CNTN3: variants seen among roughly 807,000 people sequenced by gnomAD.
The protein encoded by CNTN3 is contactin-3.
Under a neutral mutation model 119.1 loss-of-function variants are expected in CNTN3, and 60 were observed. The observed-to-expected ratio is 0.50, with a 90% CI of 0.41 to 0.62. The LOEUF is 0.62. Among genes scored for constraint, CNTN3 ranks in the 20% least tolerant of loss-of-function variants. The pLI, the probability that CNTN3 is intolerant of heterozygous loss-of-function variation, is 0.00. For synonymous variants in CNTN3, 450 were observed against 438.7 expected, an observed-to-expected ratio of 1.03 and a Z score of -0.32; for missense variants, 1,101 against 1,242.4, an observed-to-expected ratio of 0.89 and a Z score of 1.71.
chr3:74,511,124 C>G (rs1703356094), intron 2 of CNTN3, among the ~76,000 whole-genome samples: 1 of 152,018 alleles, frequency 6.6e-6, no homozygotes, highest in South Asian at 2.1e-4. Flanking sequence ...AAAACACTTC[C>G]TTTAAATTGA....
chr3:74,514,140 C>G, intron 2 of CNTN3, among the ~76,000 whole-genome samples: 1 of 152,058 alleles, frequency 6.6e-6, no homozygotes, highest in South Asian at 2.1e-4. Flanking sequence ...CAGCCTTAAC[C>G]GTCTAACATG....
intron 11 of CNTN3, among the ~76,000 whole-genome samples, chr3:74,359,246 T>C (rs1704022674): frequency 6.6e-6 from 1 of 152,170 alleles, no homozygotes; most frequent in East Asian, 1.9e-4. Context: ...AAAAAAATTC[T>C]TTTTCAGCCA....
chr3:74,418,578 C>T (rs1701565369), intron 5 of CNTN3, among the ~76,000 whole-genome samples: 1 of 151,706 alleles, frequency 6.6e-6, no homozygotes, highest in African/African-American at 2.4e-5. Context: ...CAACCTCAGG[C>T]AACCCGCCCA....
chr3:74,275,868 C>T (rs1701869112), intron 20 of CNTN3, among the ~76,000 whole-genome samples: 1 of 152,004 alleles, frequency 6.6e-6, no homozygotes. Flanking sequence ...AAGAATTCAC[C>T]AAACAAATAT....
At chr3:74,402,870 T>A (rs1343836856) in intron 5 of CNTN3, among the ~76,000 whole-genome samples, 2 of 152,120 alleles carry the variant, frequency 1.3e-5, no homozygotes, top group African/African-American at 4.8e-5. Flanking sequence ...ATGCAAAGAT[T>A]CGAGAGTGTA....
chr3:74,492,925 G>A (rs1702993834), intron 3 of CNTN3, among the ~76,000 whole-genome samples: 1 of 152,010 alleles, frequency 6.6e-6, no homozygotes, highest in Non-Finnish European at 1.5e-5. Flanking sequence ...CTACCATCAG[G>A]CATCATATTT....
chr3:74,329,921 A>G (rs905278432), intron 13 of CNTN3, among the ~76,000 whole-genome samples: 2 of 152,344 alleles, frequency 1.3e-5, no homozygotes, highest in Admixed American at 1.3e-4. Flanking sequence ...ATATCTAGAT[A>G]CAGGCAAAAA....
intron 4 of CNTN3, among the ~76,000 whole-genome samples, chr3:74,454,569 T>G (rs983960999): frequency 4.6e-5 from 7 of 152,078 alleles, no homozygotes; most frequent in African/African-American, 1.4e-4. Flanking sequence ...GTTAGCTGGT[T>G]ATTTTGCTCG....
chr3:74,497,186 C>T (rs761814417), intron 3 of CNTN3, among the ~76,000 whole-genome samples: 3 of 151,460 alleles, frequency 2.0e-5, no homozygotes, highest in Non-Finnish European at 2.9e-5. Flanking sequence ...TTTATGTCCT[C>T]GATGTCATTA....
intron 11 of CNTN3, among the ~76,000 whole-genome samples, chr3:74,360,247 T>A (rs1326214238): frequency 1.3e-5 from 2 of 152,224 alleles, no homozygotes; most frequent in Admixed American, 1.3e-4. Flanking sequence ...TTTCTTGGCC[T>A]AAGGTTTTAT....
In CNTN3 at chr3:74,614,438, G is replaced by GCCGCCGCCGCCGCCGCCGCCA. The variant is rs1705136625; in HGVS notation, c.-129_-128insTGGCGGCGGCGGCGGCGGCGG. On this transcript the variant is annotated 5_prime_UTR_variant, in exon 1 of 23. Transcript: ENST00000263665. ...CGCCCGCCCCGACGGCCCACTCGCC[G>GCCGCCGCCGCCGCCGCCGCCA]CCGCCGCCGCCGCCGCCGCCGCCGC... 2.6e-5 allele frequency among the ~76,000 whole-genome samples: 1 copy of GCCGCCGCCGCCGCCGCCGCCA among 38,562 alleles called. No individual in the cohort carries two copies. The highest frequency in any genetic ancestry group is 1.8e-4 in the Admixed American group (1 of 5,444). The allele number at this position is 38,562 out of a possible 152,430, so 25.3% of individuals were successfully genotyped here.
At chr3:74,442,818 G>A (rs77650534) in intron 4 of CNTN3, among the ~76,000 whole-genome samples, 3,501 of 152,252 alleles carry the variant, frequency 0.023, 121 homozygotes, top group African/African-American at 0.075. Flanking sequence ...CCTGGTAGGA[G>A]GTACTTTTAT....
rs369825899 is a variant in CNTN3 at position 74,430,942 on chromosome 3, T to A, written c.359-6002A>T. Among the ~76,000 whole-genome samples, 5 of 152,264 alleles carry A rather than the reference T, an allele frequency of 3.3e-5. No homozygotes were observed. In the East Asian group the frequency reaches 7.8e-4, roughly 24 times the overall value. On this transcript the variant is annotated intron_variant, in intron 4 of 22. Coordinates refer to ENST00000263665, the MANE Select transcript of CNTN3 (RefSeq NM_020872.3). Reference sequence around the variant, plus strand: ...ACCCCGCTTCTGGCCATCAGCTGTGTGTGCTACTCTACCAGAGCCCATAGC... The same window carrying A: ...ACCCCGCTTCTGGCCATCAGCTGTGAGTGCTACTCTACCAGAGCCCATAGC...
chr3:74,268,469 A>AT (rs2106744965), intron 20 of CNTN3, among the ~76,000 whole-genome samples: 1 of 152,318 alleles, frequency 6.6e-6, no homozygotes, highest in Non-Finnish European at 1.5e-5. Context: ...CATAGGGGAA[A>AT]TACAGCTGAA....
intron 4 of CNTN3, among the ~76,000 whole-genome samples, chr3:74,439,905 T>A (rs992091514): frequency 2.0e-5 from 3 of 152,212 alleles, no homozygotes; most frequent in Non-Finnish European, 4.4e-5. Context: ...ACCTTCTGAA[T>A]CTGGCCAACT....
At chr3:74,357,857 C>T (rs1277197036) in intron 11 of CNTN3, among the ~76,000 whole-genome samples, 1 of 152,032 alleles carries the variant, frequency 6.6e-6, no homozygotes, top group Non-Finnish European at 1.5e-5. Flanking sequence ...TTTAATGCAC[C>T]AATGAATTCA....
intron 5 of CNTN3, among the ~76,000 whole-genome samples, chr3:74,419,244 A>C (rs1244270077): frequency 2.0e-5 from 3 of 152,194 alleles, no homozygotes; most frequent in South Asian, 2.1e-4. Context: ...ATCCAAAAAC[A>C]CTAGTCATGT....
At chr3:74,317,710 G>A (rs1702871458) in intron 13 of CNTN3, among the ~76,000 whole-genome samples, 1 of 152,188 alleles carries the variant, frequency 6.6e-6, no homozygotes, top group South Asian at 2.1e-4. Context: ...GAGATCAGCT[G>A]TTAGTCTGAT....
chr3:74,450,300 C>T (rs1404719611), intron 4 of CNTN3, among the ~76,000 whole-genome samples: 3 of 151,864 alleles, frequency 2.0e-5, no homozygotes, highest in African/African-American at 7.3e-5. Flanking sequence ...GAAAAATGGT[C>T]TCAGAAATAC....
Sources: gnomAD v4.1 joint callset for allele counts (sites outside exome capture counted in the v4.1 genomes callset) on GRCh38, gnomAD v4.1.1 for gene constraint, MANE v1.5 for transcripts, NCBI Gene and HGNC (gene_info 2026-07-23, HGNC 2026-07-21) for gene names.